Variants in SDK1 observed in about 807,000 individuals in gnomAD.
The protein encoded by SDK1 is protein sidekick-1.
SDK1 carries 157 observed loss-of-function variants against 245.5 expected under a neutral mutation model. That is an observed-to-expected ratio of 0.64 (90% CI 0.56 to 0.73). The LOEUF is 0.73. Among genes scored for constraint, SDK1 ranks in the 30% least tolerant of loss-of-function variants. The pLI, the probability that SDK1 is intolerant of heterozygous loss-of-function variation, is 0.00. For missense variants in SDK1, 3,583 were observed against 3,002.3 expected (o/e 1.19, Z -4.52); for synonymous variants, 1,647 against 1,278.5 (o/e 1.29, Z -6.15).
chr7:3,355,411 G>A (rs1180294542), intron 1 of SDK1, among the ~76,000 whole-genome samples: 2 of 152,188 alleles, frequency 1.3e-5, no homozygotes, highest in Non-Finnish European at 2.9e-5. Context: ...CAACTCCTGT[G>A]CTCAAGCAGT....
chr7:3,377,523 G>A (rs1034492255), intron 1 of SDK1, among the ~76,000 whole-genome samples: 1 of 152,078 alleles, frequency 6.6e-6, no homozygotes, highest in African/African-American at 2.4e-5. Context: ...TACTTGGTCA[G>A]GAGGTGCAGC....
chr7:3,373,125 G>C (rs1781268398), intron 1 of SDK1, among the ~76,000 whole-genome samples: 1 of 152,134 alleles, frequency 6.6e-6, no homozygotes, highest in Non-Finnish European at 1.5e-5. Context: ...AAACTGATAA[G>C]CTGAAAATAT....
At position 3,975,568 on chromosome 7, in the gene SDK1, G is replaced by T. The variant is rs1357823713; in HGVS notation, c.1994+1023G>T. On this transcript the variant is annotated intron_variant, in intron 13 of 44. Transcript: ENST00000404826. ...CAGCTGAGGGGATTAAAAATGAAAA[G>T]AATGCTTGCTAAGTGCTAAGCATGT... Among the ~76,000 whole-genome samples the T allele has an allele frequency of 2.0e-5, 3 of 152,224 alleles. No homozygotes were observed. In the East Asian group the frequency reaches 5.8e-4, roughly 29 times the overall value.
At chr7:4,051,147 A>G (rs1789440127) in intron 18 of SDK1, among the ~76,000 whole-genome samples, 1 of 140,032 alleles carries the variant, frequency 7.1e-6, no homozygotes, top group African/African-American at 2.6e-5. Context: ...ATATATGTAT[A>G]ATATATACAT....
Position 3,696,880 on chromosome 7 carries a change from G to T in SDK1, c.713+54775G>T, listed in dbSNP as rs7776999. On this transcript the variant is annotated intron_variant, in intron 4 of 44. Transcript: ENST00000404826. ...GTAGGGTGTCTAACAGTAGATAGGA[G>T]ACCTCTGATATTTACCATAGAAGTT... is the stretch of plus-strand genomic sequence containing the variant. 9.2e-3 allele frequency among the ~76,000 whole-genome samples: 1,397 copies of T among 151,686 alleles called. 25 individuals carry two copies. The highest frequency in any genetic ancestry group is 0.033 in the African/African-American group (1,357 of 41,346).
chr7:3,585,692 A>T, intron 1 of SDK1, among the ~76,000 whole-genome samples: 1 of 152,054 alleles, frequency 6.6e-6, no homozygotes, highest in Admixed American at 6.6e-5. Flanking sequence ...GAGAGACGGG[A>T]GTTTGGTAGG....
intron 4 of SDK1, among the ~76,000 whole-genome samples, chr7:3,749,709 A>G (rs920995072): frequency 3.9e-5 from 6 of 152,174 alleles, no homozygotes; most frequent in Non-Finnish European, 8.8e-5. Flanking sequence ...GCTCATAGTT[A>G]AACCTTGGTG....
intron 1 of SDK1, among the ~76,000 whole-genome samples, chr7:3,392,648 C>A (rs867625101): frequency 6.6e-6 from 1 of 152,096 alleles, no homozygotes; most frequent in African/African-American, 2.4e-5. Context: ...AACTTCTAAT[C>A]TCCTTTTTGT....
intron 5 of SDK1, among the ~76,000 whole-genome samples, chr7:3,838,763 T>C (rs1475527981): frequency 6.6e-6 from 1 of 152,198 alleles, no homozygotes; most frequent in Non-Finnish European, 1.5e-5. Context: ...TGTCCCTCAC[T>C]AGGAGACCAT....
intron 4 of SDK1, among the ~76,000 whole-genome samples, chr7:3,653,438 G>T (rs1421441513): frequency 6.6e-6 from 1 of 152,136 alleles, no homozygotes; most frequent in Admixed American, 6.5e-5. Context: ...GGCCAAGATT[G>T]CATGGAGGGG....
intron 4 of SDK1, among the ~76,000 whole-genome samples, chr7:3,664,028 G>A (rs998150015): frequency 2.7e-4 from 40 of 146,790 alleles, no homozygotes; most frequent in African/African-American, 8.3e-4. Context: ...TGGGTACATT[G>A]TACCTTCACT....
chr7:4,181,486 C>T (rs1302841961), intron 35 of SDK1, among the ~76,000 whole-genome samples: 4 of 152,300 alleles, frequency 2.6e-5, no homozygotes, highest in Admixed American at 2.0e-4. Context: ...CAGGTGAGCC[C>T]GGCCTCTGAG....
intron 5 of SDK1, among the ~76,000 whole-genome samples, chr7:3,827,081 G>A (rs928117828): frequency 2.6e-5 from 4 of 152,042 alleles, no homozygotes; most frequent in African/African-American, 7.2e-5. Context: ...ATTTCAACCT[G>A]ATTTCACTGT....
intron 4 of SDK1, among the ~76,000 whole-genome samples, chr7:3,682,074 A>G (rs2114984897): frequency 6.6e-6 from 1 of 152,334 alleles, no homozygotes; most frequent in African/African-American, 2.4e-5. Flanking sequence ...TAGTTGGTAG[A>G]ATTTTGAAGT....
At chr7:4,083,775 T>C (rs1359004159) in intron 22 of SDK1, among the ~76,000 whole-genome samples, 6 of 55,556 alleles carry the variant, frequency 1.1e-4, no homozygotes, top group Middle Eastern at 8.8e-3. Context: ...CCCTCCCTTC[T>C]TTCCTCCCTC....
intron 4 of SDK1, among the ~76,000 whole-genome samples, chr7:3,657,147 G>T (rs933731675): frequency 3.9e-5 from 6 of 152,204 alleles, no homozygotes; most frequent in Admixed American, 1.3e-4. Flanking sequence ...GGATGTGCTT[G>T]GAGGTCAAGA....
At chr7:3,575,215 C>T (rs1377371996) in intron 1 of SDK1, among the ~76,000 whole-genome samples, 6 of 152,062 alleles carry the variant, frequency 3.9e-5, no homozygotes, top group African/African-American at 1.4e-4. Context: ...TTGTAGGTGG[C>T]TGCCTTCTTT....
intron 1 of SDK1, among the ~76,000 whole-genome samples, chr7:3,335,633 G>T (rs1313886085): frequency 6.6e-6 from 1 of 152,140 alleles, no homozygotes; most frequent in Non-Finnish European, 1.5e-5. Flanking sequence ...TAGTCTGTAA[G>T]AAATAGTAGT....
chr7:3,863,026 T>G (rs28600919), intron 5 of SDK1, among the ~76,000 whole-genome samples: 15,172 of 152,118 alleles, frequency 0.1, 2,368 homozygotes, highest in African/African-American at 0.34. Flanking sequence ...CTGCTGTGCA[T>G]CCCAGTTCCT....
Sources: allele counts gnomAD v4.1 joint callset (sites outside exome capture counted in the v4.1 genomes callset), GRCh38; gene constraint gnomAD v4.1.1; transcripts MANE v1.5; gene names NCBI Gene and HGNC (gene_info 2026-07-23, HGNC 2026-07-21).